The following FAM161B variants were observed in gnomAD, a reference collection of about 807,000 sequenced individuals.
FAM161B encodes the protein protein FAM161B.
A neutral mutation model predicts 61.5 loss-of-function variants in FAM161B; 46 were observed. That is an observed-to-expected ratio of 0.75 (90% CI 0.59 to 0.96). The LOEUF (loss-of-function observed/expected upper bound fraction) is 0.96. FAM161B is among the 40% of genes least tolerant of loss of function. The pLI is 0.00. For synonymous variants in FAM161B, 284 were observed against 302.7 expected, an observed-to-expected ratio of 0.94 and a Z score of 0.64; for missense variants, 774 against 800.7, an observed-to-expected ratio of 0.97 and a Z score of 0.40.
Position 73,946,275 on chromosome 14 carries a change from C to T in FAM161B, c.374+11G>A, listed in dbSNP as rs2056065524. On this transcript the variant is annotated intron_variant, in intron 2 of 8. Coordinates refer to ENST00000286544, the MANE Select transcript of FAM161B (RefSeq NM_152445.3). ...GTGGAGTGAGGCAGCCGTGGAGCTG[C>T]AGTGCCTTACCTCAGAGCCTGCGGG... 1 of 1,607,034 alleles carries T rather than the reference C, an allele frequency of 6.2e-7. No homozygotes were observed. Among genetic ancestry groups the T allele is most frequent in the Non-Finnish European group, 8.5e-7 (1 of 1,175,442 alleles).
chr14:73,943,451 C>T (rs1203369202), intron 3 of FAM161B, among the ~76,000 whole-genome samples: 3 of 152,176 alleles, frequency 2.0e-5, no homozygotes, highest in Admixed American at 6.5e-5. Flanking sequence ...AGTCCAGACT[C>T]GCCAACGTGG....
Position 73,944,518 on chromosome 14 carries a change from T to C in FAM161B, c.742A>G (p.Arg248Gly). Residue 248 changes from arginine to glycine, a missense_variant, in exon 3 of 9, where the codon AGG (arginine) becomes GGG (glycine). Coordinates refer to ENST00000286544, the MANE Select transcript of FAM161B (RefSeq NM_152445.3). ...AAAGAAGAGAGGAGCAGTTCCTTCC[T>C]CTTCTGGATCCCTGCCTGCCTTCGG... is the stretch of plus-strand genomic sequence containing the variant. ...EARRQAGIQK[R>G]KELLLSSLKP... 6.2e-7 allele frequency: 1 copy of C among 1,614,108 alleles called. No homozygotes were observed. Among genetic ancestry groups the C allele is most frequent in the South Asian group, 1.1e-5 (1 of 91,082 alleles).
intron 7 of FAM161B, among the ~76,000 whole-genome samples, chr14:73,936,667 T>G (rs1445317211): frequency 6.6e-6 from 1 of 152,190 alleles, no homozygotes; most frequent in Non-Finnish European, 1.5e-5. Context: ...TTGCTTAACA[T>G]TAACATAAAG....
chr14:73,927,764 A>AT (rs1223864760), downstream of FAM161B: 1 of 152,174 alleles, frequency 6.6e-6, no homozygotes, highest in Non-Finnish European at 1.5e-5. Flanking sequence ...ATAACTATAT[A>AT]TATGGTGCTG....
In FAM161B at chr14:73,932,474, C is replaced by T. The variant is rs752155118; in HGVS notation, c.*1782G>A. On this transcript the variant is annotated 3_prime_UTR_variant, in exon 9 of 9. Coordinates refer to ENST00000286544, the MANE Select transcript of FAM161B (RefSeq NM_152445.3). ...GTTACTCTGTCACCACCAAAAAAGA[C>T]GCATCTGAGAAAATGGCAATAAAAA... 1.1e-5 allele frequency: 5 copies of T among 453,882 alleles called. No homozygotes were observed. The highest frequency in any genetic ancestry group is 7.2e-5 in the Admixed American group (3 of 41,906). 28.1% of individuals were successfully genotyped at this position (453,882 alleles called of 1,614,324 possible). A position where few individuals can be genotyped will look rare whatever the true frequency, so the allele number is the denominator to read the frequency against.
intron 3 of FAM161B, among the ~76,000 whole-genome samples, chr14:73,943,719 G>A (rs117001163): frequency 0.022 from 3,285 of 152,230 alleles, 55 homozygotes; most frequent in Admixed American, 0.036. Flanking sequence ...ATGCTCCCAT[G>A]CTTCCCCTTT....
chr14:73,945,882 C>T (rs562763122), intron 2 of FAM161B, among the ~76,000 whole-genome samples: 31 of 151,910 alleles, frequency 2.0e-4, no homozygotes, highest in South Asian at 6.2e-4. Flanking sequence ...GCTGGGATTA[C>T]GGGCACACGC....
intron 6 of FAM161B, 99 bp downstream of exon 6, chr14:73,937,845 GCCTA>G (rs2055983216): frequency 3.2e-6 from 5 of 1,569,134 alleles, no homozygotes; most frequent in Non-Finnish European, 4.3e-6. Context: ...GATTACAGGA[GCCTA>G]CCTACCTCGA....
At chr14:73,930,744 A>G (rs1226182331), downstream of FAM161B, among the ~76,000 whole-genome samples, 1 of 152,046 alleles carries the variant, frequency 6.6e-6, no homozygotes, top group Non-Finnish European at 1.5e-5. Context: ...CTAGGACTGC[A>G]AGCATGTACC....
At position 73,937,785 on chromosome 14, in the gene FAM161B, C is replaced by A. The variant is rs138137081; in HGVS notation, c.1566-84G>T. The A allele has an allele frequency of 1.4e-4, 209 of 1,531,796 alleles. No individual in the cohort carries two copies. The East Asian group carries it at 4.3e-3, about 31-fold the overall frequency. The allele number at this position is 1,531,796 out of a possible 1,614,324, so 94.9% of individuals were successfully genotyped here. ...ATTTCCAGTAAAGCAGTGTAACTCTCGTGTACACTGTAAATTCCTATCTGA... is the reference window on the plus strand; with the variant it reads ...ATTTCCAGTAAAGCAGTGTAACTCTAGTGTACACTGTAAATTCCTATCTGA... On this transcript the variant is annotated intron_variant, in intron 6 of 8. Coordinates refer to ENST00000286544, the MANE Select transcript of FAM161B (RefSeq NM_152445.3).
At chr14:73,937,772 G>T in intron 6 of FAM161B, 71 bp from the exon 7 acceptor site, 1 of 1,566,272 alleles carries the variant, frequency 6.4e-7, no homozygotes, top group Non-Finnish European at 8.8e-7. Flanking sequence ...TTCCAGTAAA[G>T]CAGTGTAACT....
intron 3 of FAM161B, among the ~76,000 whole-genome samples, chr14:73,943,920 C>T (rs1177456705): frequency 6.6e-6 from 1 of 152,132 alleles, no homozygotes; most frequent in Non-Finnish European, 1.5e-5. Context: ...AAATAATCAT[C>T]CCCCAGGTAA....
At chr14:73,939,821 G>T (rs771617137) in intron 5 of FAM161B, among the ~76,000 whole-genome samples, 82 of 152,214 alleles carry the variant, frequency 5.4e-4, no homozygotes, top group Admixed American at 4.6e-3. Flanking sequence ...ATATTCAAAT[G>T]GACATACTGG....
downstream of FAM161B, among the ~76,000 whole-genome samples, chr14:73,929,218 C>T (rs547816328): frequency 2.2e-4 from 34 of 152,090 alleles, no homozygotes; most frequent in Admixed American, 4.6e-4. Flanking sequence ...TGCTTATCCC[C>T]TCCTTTTCTT....
intron 4 of FAM161B, 57 bp from the exon 5 acceptor site, chr14:73,941,110 T>A: frequency 2.2e-3 from 450 of 204,046 alleles, no homozygotes; most frequent in Non-Finnish European, 3.1e-3. Flanking sequence ...GTTTCTATCT[T>A]TTTTTTTTTT....
chr14:73,941,106 A>ATT, intron 4 of FAM161B, 53 bp from the exon 5 acceptor site: 1 of 1,207,122 alleles, frequency 8.3e-7, no homozygotes, highest in East Asian at 3.1e-5. Context: ...ATTAGTTTCT[A>ATT]TCTTTTTTTT....
chr14:73,931,203 T>TA (rs1188224912), downstream of FAM161B, among the ~76,000 whole-genome samples: 2 of 152,172 alleles, frequency 1.3e-5, no homozygotes, highest in Non-Finnish European at 2.9e-5. Flanking sequence ...CCCTGTAAGT[T>TA]AGAGATTCCT....
chr14:73,941,496 A>G (rs1156475674), intron 4 of FAM161B, among the ~76,000 whole-genome samples: 17 of 152,142 alleles, frequency 1.1e-4, no homozygotes, highest in Admixed American at 1.1e-3. Flanking sequence ...TCCTGGGAAT[A>G]AGGCAAGGAT....
downstream of FAM161B, among the ~76,000 whole-genome samples, chr14:73,930,426 G>A (rs1370708632): frequency 6.7e-6 from 1 of 148,428 alleles, no homozygotes; most frequent in Non-Finnish European, 1.5e-5. Flanking sequence ...GCCTCCCAAA[G>A]TGGTGGGGTT....
Sources: allele counts gnomAD v4.1 joint callset (sites outside exome capture counted in the v4.1 genomes callset), GRCh38; gene constraint gnomAD v4.1.1; transcripts MANE v1.5; gene names NCBI Gene and HGNC (gene_info 2026-07-23, HGNC 2026-07-21).